KCNQ5: variants seen among roughly 807,000 people sequenced by gnomAD.
KCNQ5 encodes potassium voltage-gated channel subfamily KQT member 5.
In KCNQ5, 30 loss-of-function variants were observed where a neutral mutation model predicts 98.2. The ratio of observed to expected loss-of-function variants is 0.31; its 90% CI spans 0.23 to 0.41. The LOEUF (loss-of-function observed/expected upper bound fraction) is 0.41, where lower values mean the gene tolerates loss of function less well. Among genes scored for constraint, KCNQ5 ranks in the 10% least tolerant of loss-of-function variants. The pLI is 1.00. For missense variants in KCNQ5, 835 were observed against 1,182.5 expected (o/e 0.71, Z 4.31); for synonymous variants, 458 against 449.4 (o/e 1.02, Z -0.24).
intron 1 of KCNQ5, among the ~76,000 whole-genome samples, chr6:72,814,591 T>G (rs1485725072): frequency 6.6e-6 from 1 of 152,232 alleles, no homozygotes; most frequent in African/African-American, 2.4e-5. Flanking sequence ...ATGGCTTTCT[T>G]CTACCACTAG....
chr6:73,142,203 G>A (rs1042020737), intron 10 of KCNQ5, among the ~76,000 whole-genome samples: 2 of 152,108 alleles, frequency 1.3e-5, no homozygotes, highest in Non-Finnish European at 2.9e-5. Context: ...TCTTTCATGT[G>A]TAAGTGGTCA....
chr6:72,774,323 A>C (rs1773058304), intron 1 of KCNQ5, among the ~76,000 whole-genome samples: 1 of 152,134 alleles, frequency 6.6e-6, no homozygotes, highest in African/African-American at 2.4e-5. Context: ...GAACTCCAAT[A>C]AAACTTTATT....
intron 5 of KCNQ5, among the ~76,000 whole-genome samples, chr6:73,093,453 G>C (rs950866418): frequency 1.3e-5 from 2 of 151,990 alleles, no homozygotes; most frequent in Admixed American, 1.3e-4. Context: ...CTGGGTCTGG[G>C]TTTGGTTTGT....
At chr6:72,646,244 T>C (rs1765588263) in intron 1 of KCNQ5, among the ~76,000 whole-genome samples, 2 of 152,020 alleles carry the variant, frequency 1.3e-5, no homozygotes, top group South Asian at 4.1e-4. Flanking sequence ...TTTGTATACA[T>C]ATACACATAT....
intron 2 of KCNQ5, among the ~76,000 whole-genome samples, chr6:73,013,047 G>A (rs1332576810): frequency 2.0e-5 from 3 of 151,830 alleles, no homozygotes; most frequent in African/African-American, 7.3e-5. Flanking sequence ...GGTGAACTGT[G>A]GAACATTTGA....
intron 1 of KCNQ5, among the ~76,000 whole-genome samples, chr6:72,907,568 G>T (rs1425147972): frequency 6.6e-6 from 1 of 151,956 alleles, no homozygotes; most frequent in Non-Finnish European, 1.5e-5. Flanking sequence ...CTTACTATAA[G>T]TAAAAGGAGC....
intron 1 of KCNQ5, among the ~76,000 whole-genome samples, chr6:72,918,327 A>T (rs534847074): frequency 2.0e-5 from 3 of 152,256 alleles, no homozygotes; most frequent in Non-Finnish European, 4.4e-5. Context: ...GTCAATCAGT[A>T]CTTTGTGGAA....
At chr6:72,941,357 TTTTC>T (rs1562082135) in intron 1 of KCNQ5, among the ~76,000 whole-genome samples, 82 of 35,962 alleles carry the variant, frequency 2.3e-3, no homozygotes, top group African/African-American at 3.1e-3. Context: ...TCCTTCCTTC[TTTTC>T]TTCCTTCCTT....
rs544129550 is a variant in KCNQ5, at chr6:72,902,213, T to C, written c.399-101695T>C. ...TTTTGTATCTGGAAACTTTGCTGAA[T>C]TCTTTTATCAGTTCTAGGAACTTTC... On this transcript the variant is annotated intron_variant, in intron 1 of 13. Coordinates refer to ENST00000370398, the MANE Select transcript of KCNQ5 (RefSeq NM_019842.4). Among the ~76,000 whole-genome samples, 18 of 152,346 alleles carry C rather than the reference T, an allele frequency of 1.2e-4. No homozygotes were observed. The South Asian group carries it at 3.3e-3, about 28-fold the overall frequency.
intron 1 of KCNQ5, among the ~76,000 whole-genome samples, chr6:72,765,999 A>T (rs1772549370): frequency 6.6e-6 from 1 of 152,094 alleles, no homozygotes; most frequent in Non-Finnish European, 1.5e-5. Flanking sequence ...TCAGGCATGC[A>T]CCAAGGGTCA....
intron 10 of KCNQ5, chr6:73,157,723 T>G: frequency 1.3e-6 from 1 of 777,170 alleles, no homozygotes; most frequent in Non-Finnish European, 2.4e-6. Flanking sequence ...CCCCATCAGG[T>G]CATAGGGGTC....
At chr6:72,951,263 T>C (rs1484095162) in intron 1 of KCNQ5, among the ~76,000 whole-genome samples, 1 of 151,968 alleles carries the variant, frequency 6.6e-6, no homozygotes, top group Non-Finnish European at 1.5e-5. Context: ...GATTTTTTGT[T>C]GGTTTGTTTT....
At chr6:72,835,391 G>T (rs556060470) in intron 1 of KCNQ5, among the ~76,000 whole-genome samples, 26 of 152,124 alleles carry the variant, frequency 1.7e-4, no homozygotes, top group Admixed American at 1.5e-3. Flanking sequence ...CAATTATATT[G>T]GTCGAGGCCA....
intron 1 of KCNQ5, among the ~76,000 whole-genome samples, chr6:72,760,755 A>G (rs1480628988): frequency 2.0e-5 from 3 of 152,104 alleles, no homozygotes; most frequent in South Asian, 2.1e-4. Flanking sequence ...GTCAAAACTG[A>G]TGAATCAAAT....
chr6:73,068,784 G>A (rs544898869), intron 3 of KCNQ5, among the ~76,000 whole-genome samples: 42 of 152,062 alleles, frequency 2.8e-4, no homozygotes, highest in African/African-American at 9.7e-4. Context: ...AATAGTGTTA[G>A]GTATGAGCTG....
Position 72,964,932 on chromosome 6 carries a change from G to A in KCNQ5, c.399-38976G>A, listed in dbSNP as rs1020924109. Among the ~76,000 whole-genome samples, 18 of 125,098 alleles carry A rather than the reference G, an allele frequency of 1.4e-4. No individual in the cohort carries two copies. The East Asian group carries it at 2.0e-3, about 14-fold the overall frequency. 82.1% of individuals were successfully genotyped at this position (125,098 alleles called of 152,430 possible). A position where few individuals can be genotyped will look rare whatever the true frequency, so the allele number is the denominator to read the frequency against. On this transcript the variant is annotated intron_variant, in intron 1 of 13. Transcript: ENST00000370398. ...ATTTTCTGCTGTTTTTCACATTTTC[G>A]TGCTTTTTTTAAAAAAAAATTCTTT...
intron 1 of KCNQ5, among the ~76,000 whole-genome samples, chr6:72,631,929 T>C (rs2098921037): frequency 6.6e-6 from 1 of 152,184 alleles, no homozygotes; most frequent in African/African-American, 2.4e-5. Flanking sequence ...CCCTAATAAG[T>C]AATATTAGTG....
intron 1 of KCNQ5, among the ~76,000 whole-genome samples, chr6:72,666,384 A>G (rs1009517520): frequency 6.6e-6 from 1 of 152,194 alleles, no homozygotes; most frequent in African/African-American, 2.4e-5. Context: ...CAAAATCATG[A>G]CATTATCGAT....
At chr6:72,751,880 TGTAA>T (rs1181219458) in intron 1 of KCNQ5, among the ~76,000 whole-genome samples, 1 of 152,118 alleles carries the variant, frequency 6.6e-6, no homozygotes, top group Non-Finnish European at 1.5e-5. Context: ...CCAAATCATC[TGTAA>T]GTAAGTGATT....
Sources: gnomAD v4.1 joint callset for allele counts (sites outside exome capture counted in the v4.1 genomes callset) on GRCh38, gnomAD v4.1.1 for gene constraint, MANE v1.5 for transcripts, NCBI Gene and HGNC (gene_info 2026-07-23, HGNC 2026-07-21) for gene names.